Variants in MIB1 observed in about 807,000 individuals in gnomAD.
MIB1 encodes MIB E3 ubiquitin protein ligase 1, also known as E3 ubiquitin-protein ligase MIB1.
MIB1 carries 278 observed loss-of-function variants against 124.5 expected under a neutral mutation model. The observed-to-expected ratio is 2.23, with a 90% CI of 2.02 to 2.47. The LOEUF is 2.47. MIB1 is among the 30% of genes most tolerant of loss of function. The pLI, the probability that MIB1 is intolerant of heterozygous loss-of-function variation, is 0.00. For missense variants in MIB1, 957 were observed against 1,254.4 expected, an observed-to-expected ratio of 0.76 and a Z score of 3.58; for synonymous variants, 446 against 429.4, an observed-to-expected ratio of 1.04 and a Z score of -0.48.
chr18:21,755,595 G>T lies in MIB1; in HGVS notation c.230-10177G>T, dbSNP rs566542827. On this transcript the variant is annotated intron_variant, in intron 1 of 20. Transcript: ENST00000261537. ...CTCCCAAAGTGCTGGGATTACGGGC[G>T]TGAGCCACCGTGCCCGGCCAACAAC... Among the ~76,000 whole-genome samples, 528 of 152,256 alleles carry T rather than the reference G, an allele frequency of 3.5e-3. 2 individuals carry two copies. Among genetic ancestry groups the T allele is most frequent in the South Asian group, 7.0e-3 (34 of 4,828 alleles).
At chr18:21,788,814 C>A (rs1480255337) in intron 6 of MIB1, among the ~76,000 whole-genome samples, 1 of 152,128 alleles carries the variant, frequency 6.6e-6, no homozygotes, top group African/African-American at 2.4e-5. Context: ...TCTTTCTGTA[C>A]ACTAACAATG....
chr18:21,801,982 G>C (rs1197496550), intron 9 of MIB1, among the ~76,000 whole-genome samples: 1 of 151,996 alleles, frequency 6.6e-6, no homozygotes, highest in African/African-American at 2.4e-5. Flanking sequence ...GGTGAAGTAA[G>C]GTTTTTATTA....
intron 1 of MIB1, among the ~76,000 whole-genome samples, chr18:21,720,112 T>C (rs1393820380): frequency 1.3e-5 from 2 of 152,238 alleles, no homozygotes; most frequent in East Asian, 3.8e-4. Flanking sequence ...CTGCCTTTTC[T>C]ATATCAATCA....
At chr18:21,804,547 TTAATATCA>T (rs1210403920) in intron 10 of MIB1, among the ~76,000 whole-genome samples, 1 of 152,258 alleles carries the variant, frequency 6.6e-6, no homozygotes, top group African/African-American at 2.4e-5. Context: ...GAAACACTTC[TTAATATCA>T]TTGGAGTCTT....
At chr18:21,855,769 GCCATGGTTC>G (rs2042220841) in intron 18 of MIB1, among the ~76,000 whole-genome samples, 1 of 152,256 alleles carries the variant, frequency 6.6e-6, no homozygotes, top group East Asian at 1.9e-4. Context: ...TGGATATTCT[GCCATGGTTC>G]CCATTATTTT....
intron 17 of MIB1, among the ~76,000 whole-genome samples, chr18:21,852,249 C>G (rs1203507384): frequency 6.6e-6 from 1 of 152,180 alleles, no homozygotes; most frequent in Non-Finnish European, 1.5e-5. Context: ...TTTTTCTATA[C>G]TTACATAAAT....
chr18:21,829,775 T>A (rs1364742602), intron 12 of MIB1, among the ~76,000 whole-genome samples: 2 of 152,120 alleles, frequency 1.3e-5, no homozygotes, highest in East Asian at 3.8e-4. Context: ...GAATACAAAT[T>A]CAAATAGATG....
chr18:21,738,545 C>T (rs180697318), upstream of MIB1, among the ~76,000 whole-genome samples: 28 of 152,012 alleles, frequency 1.8e-4, no homozygotes, highest in Middle Eastern at 0.01. Flanking sequence ...CGGTGGCTCA[C>T]GCCTGTAATC....
chr18:21,766,962 T>A (rs2041168084), intron 2 of MIB1, among the ~76,000 whole-genome samples: 1 of 152,124 alleles, frequency 6.6e-6, no homozygotes, highest in African/African-American at 2.4e-5. Flanking sequence ...TCTGATTATG[T>A]GAATGAGAAA....
intron 15 of MIB1, among the ~76,000 whole-genome samples, chr18:21,845,288 G>T (rs2042125672): frequency 6.6e-6 from 1 of 152,276 alleles, no homozygotes; most frequent in East Asian, 1.9e-4. Flanking sequence ...GGGATTACAG[G>T]CATGAGCCAC....
At chr18:21,821,212 C>G (rs1209169662) in intron 12 of MIB1, among the ~76,000 whole-genome samples, 1 of 152,132 alleles carries the variant, frequency 6.6e-6, no homozygotes, top group Non-Finnish European at 1.5e-5. Context: ...AAATTTTATA[C>G]ATTTACAAAT....
At chr18:21,793,100 T>C (rs958483908) in intron 7 of MIB1, among the ~76,000 whole-genome samples, 31 of 152,208 alleles carry the variant, frequency 2.0e-4, no homozygotes. Flanking sequence ...AGGCATCTGA[T>C]AGATCCGAGA....
chr18:21,825,943 G>A (rs747354324), intron 12 of MIB1: 23 of 320,776 alleles, frequency 7.2e-5, no homozygotes, highest in Admixed American at 5.4e-4. Flanking sequence ...GTTTTCCTGC[G>A]CTTAATGGTT....
chr18:21,832,400 G>T (rs1415050754), intron 12 of MIB1, among the ~76,000 whole-genome samples: 1 of 152,098 alleles, frequency 6.6e-6, no homozygotes, highest in Admixed American at 6.5e-5. Context: ...CATAGTATGT[G>T]ACTCAGAGGT....
chr18:21,724,719 AAAAAAAAAAT>A (rs2040730218), intron 1 of MIB1, among the ~76,000 whole-genome samples: 1 of 58,270 alleles, frequency 1.7e-5, no homozygotes, highest in Non-Finnish European at 3.3e-5. Context: ...ATCCAAAAAA[AAAAAAAAAAT>A]ATATATATAT....
chr18:21,734,105 ATTTTTT>A (rs1187958268), intron 1 of MIB1, among the ~76,000 whole-genome samples: 1 of 118,134 alleles, frequency 8.5e-6, no homozygotes, highest in African/African-American at 3.1e-5. Flanking sequence ...TCTTGCTTTG[ATTTTTT>A]TTTTTTTTTT....
intron 15 of MIB1, among the ~76,000 whole-genome samples, chr18:21,845,918 C>T (rs767667881): frequency 2.0e-5 from 3 of 152,190 alleles, no homozygotes; most frequent in Non-Finnish European, 4.4e-5. Flanking sequence ...CCACCACACT[C>T]GGCTGAAAAG....
In MIB1 at chr18:21,741,337, C is replaced by G. The variant is rs931908367; in HGVS notation, c.-247C>G. ...CTCCCCTCTGCCCGCTCTCCGCCGC[C>G]GCCTCCGAGCAGCCGCGGGCCGCCC... On this transcript the variant is annotated 5_prime_UTR_variant, in exon 1 of 21. Coordinates refer to ENST00000261537, the MANE Select transcript of MIB1 (RefSeq NM_020774.4). This position sits in a 1 kb window ranked among gnomAD's most constrained non-coding sequence, Gnocchi z 5.4. 5.6e-6 allele frequency: 1 copy of G among 177,776 alleles called. No individual in the cohort carries two copies. Among genetic ancestry groups the G allele is most frequent in the African/African-American group, 2.4e-5 (1 of 41,946 alleles). The allele number at this position is 177,776 out of a possible 1,614,324, so 11.0% of individuals were successfully genotyped here. A position where few individuals can be genotyped will look rare whatever the true frequency, so the allele number is the denominator to read the frequency against.
In MIB1 at chr18:21,779,577, G is replaced by A; in HGVS notation, c.800G>A (p.Gly267Asp). 6.2e-7 allele frequency: 1 copy of A among 1,614,036 alleles called. No individual in the cohort carries two copies. Among genetic ancestry groups the A allele is most frequent in the Non-Finnish European group, 8.5e-7 (1 of 1,179,958 alleles). The change falls in exon 6 of 21, where the codon GGT becomes GAT. Residue 267 changes from glycine to aspartate, a missense_variant. Gly to Asp is a moderately conservative substitution (Grantham distance 94, BLOSUM62 -1). Transcript: ENST00000261537. ...GAAATTGTACAGTCTTTGCAGCATG[G>A]TCATGGAGGATGGACTGATGGAATG... is the stretch of plus-strand genomic sequence containing the variant. ...DLEIVQSLQH[G>D]HGGWTDGMFE...
Sources: gnomAD v4.1 joint callset for allele counts (sites outside exome capture counted in the v4.1 genomes callset) on GRCh38, gnomAD v4.1.1 for gene constraint, Gnocchi (gnomAD v3.1) non-coding constraint, MANE v1.5 for transcripts, NCBI Gene and HGNC (gene_info 2026-07-23, HGNC 2026-07-21) for gene names.